Variants in VAV3 observed in about 807,000 individuals in gnomAD.
VAV3 encodes guanine nucleotide exchange factor VAV3.
Under a neutral mutation model 131.2 loss-of-function variants are expected in VAV3, and 94 were observed. The ratio of observed to expected loss-of-function variants is 0.72; its 90% CI spans 0.61 to 0.85. The LOEUF is 0.85. VAV3 is among the 40% of genes least tolerant of loss of function. The pLI, the probability that VAV3 is intolerant of heterozygous loss-of-function variation, is 0.00. For synonymous variants in VAV3, 349 were observed against 342.0 expected (o/e 1.02, Z -0.22); for missense variants, 939 against 1,002.7 (o/e 0.94, Z 0.86).
intron 12 of VAV3, among the ~76,000 whole-genome samples, chr1:107,751,460 AAAAG>A (rs1261511183): frequency 6.6e-6 from 1 of 152,212 alleles, no homozygotes; most frequent in Non-Finnish European, 1.5e-5. Flanking sequence ...ATTAGCTATG[AAAAG>A]AAAGACTCAA....
chr1:107,603,474 G>A (rs1184394306), intron 22 of VAV3, among the ~76,000 whole-genome samples: 1 of 152,128 alleles, frequency 6.6e-6, no homozygotes, highest in Non-Finnish European at 1.5e-5. Flanking sequence ...TTAGGGACAG[G>A]AAGGAAAAAG....
At position 107,707,434 on chromosome 1, in the gene VAV3, G is replaced by C. The variant is rs189417105; in HGVS notation, c.1503-2373C>G. Reference sequence around the variant, plus strand: ...ACTCATCAAGTGATATATGTAACGTGCTTAGAACACTGCCTGACCCATATT... The same window carrying C: ...ACTCATCAAGTGATATATGTAACGTCCTTAGAACACTGCCTGACCCATATT... On this transcript the variant is annotated intron_variant, in intron 15 of 26. Transcript: ENST00000370056. Among the ~76,000 whole-genome samples, 3 of 152,326 alleles carry C rather than the reference G, an allele frequency of 2.0e-5. No individual in the cohort carries two copies. The East Asian group carries it at 5.8e-4, about 29-fold the overall frequency.
intron 19 of VAV3, among the ~76,000 whole-genome samples, chr1:107,668,063 A>T (rs1231407116): frequency 6.6e-6 from 1 of 152,154 alleles, no homozygotes; most frequent in Non-Finnish European, 1.5e-5. Flanking sequence ...AAGCCTTCAC[A>T]TCAAGGTCAT....
chr1:107,586,589 A>G (rs1650512183), intron 25 of VAV3, among the ~76,000 whole-genome samples: 1 of 152,148 alleles, frequency 6.6e-6, no homozygotes, highest in Non-Finnish European at 1.5e-5. Flanking sequence ...GGTCTGACAA[A>G]TTGGAGTGCA....
intron 19 of VAV3, among the ~76,000 whole-genome samples, chr1:107,658,083 G>C (rs1570699340): frequency 1.3e-5 from 2 of 152,182 alleles, no homozygotes. Context: ...TCTAATGAAA[G>C]AAAACCGTAC....
chr1:107,918,701 A>ATTT (rs1396509997), intron 1 of VAV3, among the ~76,000 whole-genome samples: 1 of 79,098 alleles, frequency 1.3e-5, no homozygotes, highest in Non-Finnish European at 3.2e-5. Context: ...ATATATATAT[A>ATTT]TATATTTTTT....
At position 107,933,542 on chromosome 1, in the gene VAV3, A is replaced by T. The variant is rs547554758; in HGVS notation, c.204+31124T>A. 3.5e-4 allele frequency among the ~76,000 whole-genome samples: 53 copies of T among 152,260 alleles called. 1 individual carries two copies. Among genetic ancestry groups the T allele is most frequent in the African/African-American group, 1.2e-3 (51 of 41,566 alleles). On this transcript the variant is annotated intron_variant, in intron 1 of 26. Coordinates refer to ENST00000370056, the MANE Select transcript of VAV3 (RefSeq NM_006113.5). The stretch of plus-strand genomic sequence containing the variant: ...TGCAAATTCTGTAAATTTAATTGAC[A>T]TATGAAAATTGAATCTCCCCAGCAC...
At chr1:107,635,258 A>G (rs9727531) in intron 20 of VAV3, among the ~76,000 whole-genome samples, 15 of 152,118 alleles carry the variant, frequency 9.9e-5, no homozygotes, top group Non-Finnish European at 2.9e-5. Flanking sequence ...AAGAAAATGT[A>G]GCAGATATAC....
intron 15 of VAV3, among the ~76,000 whole-genome samples, chr1:107,729,249 T>G (rs997712583): frequency 3.3e-5 from 5 of 152,210 alleles, no homozygotes; most frequent in African/African-American, 1.2e-4. Flanking sequence ...GAAGCTTTAA[T>G]GCATATATAT....
At chr1:107,582,035 CA>C (rs35826423) in intron 25 of VAV3, among the ~76,000 whole-genome samples, 1 of 152,080 alleles carries the variant, frequency 6.6e-6, no homozygotes, top group Admixed American at 6.6e-5. Context: ...ACTCAGGTAA[CA>C]AAAAGTTGTT....
chr1:107,830,016 C>A (rs1300577334), intron 2 of VAV3, among the ~76,000 whole-genome samples: 1 of 152,046 alleles, frequency 6.6e-6, no homozygotes, highest in African/African-American at 2.4e-5. Flanking sequence ...ATGAGCAAAA[C>A]TACTTAAAAC....
intron 19 of VAV3, among the ~76,000 whole-genome samples, chr1:107,675,446 A>G (rs1658134078): frequency 6.6e-6 from 1 of 152,182 alleles, no homozygotes; most frequent in Admixed American, 6.6e-5. Flanking sequence ...GATCTGTGCC[A>G]CTGTAGAACC....
intron 2 of VAV3, among the ~76,000 whole-genome samples, chr1:107,801,810 C>G (rs1280515658): frequency 3.3e-5 from 5 of 152,096 alleles, no homozygotes; most frequent in African/African-American, 1.2e-4. Flanking sequence ...CAACTAAACT[C>G]ATTTAAATTT....
intron 6 of VAV3, among the ~76,000 whole-genome samples, chr1:107,769,026 C>A (rs1288445800): frequency 2.0e-5 from 3 of 152,162 alleles, no homozygotes; most frequent in Non-Finnish European, 4.4e-5. Flanking sequence ...TCCTTGACCA[C>A]AAATAATCTT....
intron 20 of VAV3, among the ~76,000 whole-genome samples, chr1:107,620,421 T>C (rs1185916695): frequency 1.3e-5 from 2 of 152,172 alleles, no homozygotes; most frequent in Non-Finnish European, 2.9e-5. Context: ...CTACCTACAA[T>C]ATTCAGTGCA....
chr1:107,737,252 C>T (rs1662704814), intron 15 of VAV3, among the ~76,000 whole-genome samples: 1 of 152,128 alleles, frequency 6.6e-6, no homozygotes, highest in Non-Finnish European at 1.5e-5. Context: ...CATAAAAACC[C>T]TAGAAGAAAA....
At chr1:107,857,673 A>G (rs1669534488) in intron 2 of VAV3, among the ~76,000 whole-genome samples, 1 of 152,124 alleles carries the variant, frequency 6.6e-6, no homozygotes, top group African/African-American at 2.4e-5. Context: ...TAACAAAACT[A>G]AAAGCTTTTG....
intron 10 of VAV3, among the ~76,000 whole-genome samples, chr1:107,759,125 T>C (rs1170442444): frequency 6.6e-6 from 1 of 152,186 alleles, no homozygotes; most frequent in Non-Finnish European, 1.5e-5. Flanking sequence ...TTATACTTCA[T>C]TTTTCCTTTC....
At chr1:107,912,845 A>G (rs897612127) in intron 1 of VAV3, among the ~76,000 whole-genome samples, 1 of 152,164 alleles carries the variant, frequency 6.6e-6, no homozygotes, top group Non-Finnish European at 1.5e-5. Context: ...TCAACTACTC[A>G]TCTCTGGTTG....
Sources: allele counts gnomAD v4.1 joint callset (sites outside exome capture counted in the v4.1 genomes callset), GRCh38; gene constraint gnomAD v4.1.1; transcripts MANE v1.5; gene names NCBI Gene and HGNC (gene_info 2026-07-23, HGNC 2026-07-21).